CEP55: variants seen among roughly 807,000 people sequenced by gnomAD.
The protein encoded by CEP55 is centrosomal protein 55.
In CEP55, 57 loss-of-function variants were observed where a neutral mutation model predicts 63.2. That is an observed-to-expected ratio of 0.90 (90% CI 0.73 to 1.13). CEP55 has a LOEUF of 1.13. Ranked by LOEUF, CEP55 falls within the 50% of genes most tolerant of loss-of-function variation. The pLI is 0.00. For synonymous variants in CEP55, 178 were observed against 191.6 expected, an observed-to-expected ratio of 0.93 and a Z score of 0.59; for missense variants, 456 against 518.9, an observed-to-expected ratio of 0.88 and a Z score of 1.18.
chr10:93,512,196 C>T (rs374826648), intron 4 of CEP55, among the ~76,000 whole-genome samples: 137 of 128,940 alleles, frequency 1.1e-3, no homozygotes, highest in African/African-American at 3.8e-3. Flanking sequence ...CACTGTATTC[C>T]AGCCGGGGCC....
At chr10:93,510,922 T>G (rs2057740778) in intron 4 of CEP55, among the ~76,000 whole-genome samples, 1 of 150,178 alleles carries the variant, frequency 6.7e-6, no homozygotes, top group Admixed American at 6.7e-5. Flanking sequence ...AAGACCTTTA[T>G]AGCATTCCAC....
intron 4 of CEP55, among the ~76,000 whole-genome samples, chr10:93,507,635 G>A (rs920948417): frequency 8.6e-5 from 13 of 151,926 alleles, no homozygotes; most frequent in Non-Finnish European, 1.6e-4. Flanking sequence ...TCATTTTATT[G>A]TTTCTTGTTT....
At chr10:93,522,163 C>T (rs910602123) in intron 8 of CEP55, among the ~76,000 whole-genome samples, 8 of 152,062 alleles carry the variant, frequency 5.3e-5, no homozygotes, top group Admixed American at 2.6e-4. Flanking sequence ...AGTTCGAACC[C>T]GTGGCAAAGA....
chr10:93,521,822 C>T (rs758775433), intron 8 of CEP55, among the ~76,000 whole-genome samples: 2 of 152,168 alleles, frequency 1.3e-5, no homozygotes, highest in Non-Finnish European at 2.9e-5. Context: ...GCTGCTGATA[C>T]CCAGGCAAAC....
At chr10:93,500,713 G>A (rs768800319) in intron 2 of CEP55, among the ~76,000 whole-genome samples, 7 of 150,726 alleles carry the variant, frequency 4.6e-5, no homozygotes, top group Non-Finnish European at 1.0e-4. Context: ...AACTATTTTC[G>A]CTATTTTTAA....
intron 3 of CEP55, among the ~76,000 whole-genome samples, chr10:93,504,952 C>T (rs1418663211): frequency 6.6e-6 from 1 of 152,100 alleles, no homozygotes; most frequent in African/African-American, 2.4e-5. Context: ...TTTGGGATTA[C>T]AGGCACCTGC....
intron 8 of CEP55, among the ~76,000 whole-genome samples, chr10:93,523,227 C>CA (rs994533178): frequency 2.0e-5 from 3 of 151,980 alleles, no homozygotes; most frequent in African/African-American, 7.3e-5. Context: ...AGGCTCAAAA[C>CA]AAAGGGATTG....
At chr10:93,499,516 G>A (rs1378969233) in intron 1 of CEP55, among the ~76,000 whole-genome samples, 2 of 139,212 alleles carry the variant, frequency 1.4e-5, no homozygotes, top group African/African-American at 5.4e-5. Flanking sequence ...TGTACAAGTT[G>A]ACTTTTTTTT....
chr10:93,517,262 G>T lies in CEP55; in HGVS notation c.993+14G>T. 6.4e-7 allele frequency: 1 copy of T among 1,568,744 alleles called. No homozygotes were observed. Among genetic ancestry groups the T allele is most frequent in the Non-Finnish European group, 8.6e-7 (1 of 1,158,400 alleles). ...CTCTTATCTCAGGTAAACTTAACCA[G>T]ATCCATAATTCAGAGTGTTCACCGA... On this transcript the variant is annotated intron_variant, in intron 6 of 8. Transcript: ENST00000371485.
chr10:93,527,132 C>T (rs558564641), intron 8 of CEP55, among the ~76,000 whole-genome samples: 74 of 151,946 alleles, frequency 4.9e-4, no homozygotes, highest in African/African-American at 1.6e-3. Flanking sequence ...TCCTGCTATC[C>T]ACCCTCTTCA....
chr10:93,523,156 G>C (rs1484706435), intron 8 of CEP55, among the ~76,000 whole-genome samples: 1 of 152,084 alleles, frequency 6.6e-6, no homozygotes, highest in Non-Finnish European at 1.5e-5. Flanking sequence ...TTTGGATAAA[G>C]AGTCAAGACC....
chr10:93,521,988 A>T (rs1299631163), intron 8 of CEP55, among the ~76,000 whole-genome samples: 1 of 152,194 alleles, frequency 6.6e-6, no homozygotes, highest in East Asian at 1.9e-4. Context: ...AACCACAAAG[A>T]TGGGGAAAAA....
chr10:93,520,181 G>T (rs954453036), intron 8 of CEP55: 1 of 220,832 alleles, frequency 4.5e-6, no homozygotes, highest in Non-Finnish European at 9.0e-6. Context: ...TAATCCCAGC[G>T]CTTTGGGAGG....
intron 8 of CEP55, chr10:93,520,099 C>A: frequency 2.5e-6 from 1 of 399,696 alleles, no homozygotes. Flanking sequence ...AGGGTAGTCA[C>A]AGAATCCTGA....
chr10:93,515,934 G>A (rs1192989700), intron 5 of CEP55, among the ~76,000 whole-genome samples: 1 of 152,096 alleles, frequency 6.6e-6, no homozygotes, highest in African/African-American at 2.4e-5. Flanking sequence ...GAGAAAGAAT[G>A]CCTTTTTTAG....
At chr10:93,499,319 T>A (rs540856254) in intron 1 of CEP55, among the ~76,000 whole-genome samples, 10 of 152,318 alleles carry the variant, frequency 6.6e-5, no homozygotes, top group Admixed American at 6.5e-4. Flanking sequence ...TTCGTGCCTA[T>A]ATACTCAGAA....
intron 8 of CEP55, among the ~76,000 whole-genome samples, chr10:93,521,004 C>T (rs2057855360): frequency 6.6e-6 from 1 of 152,096 alleles, no homozygotes; most frequent in African/African-American, 2.4e-5. Flanking sequence ...TGAATAGGAA[C>T]AGCTCCAGTC....
chr10:93,525,698 T>C (rs1489633305), intron 8 of CEP55, among the ~76,000 whole-genome samples: 2 of 151,876 alleles, frequency 1.3e-5, no homozygotes, highest in African/African-American at 2.4e-5. Context: ...ACTACAAGGC[T>C]ACAGTAACCA....
rs542999367 is a variant in CEP55 at position 93,528,912 on chromosome 10, T to C, written c.*759T>C. On this transcript the variant is annotated 3_prime_UTR_variant, in exon 9 of 9. Coordinates refer to ENST00000371485, the MANE Select transcript of CEP55 (RefSeq NM_018131.5). ...CCCTCTCATTTGATTGACAGTATTT[T>C]AGTTATTTTTGGCATTCTTAAAGCT... is the stretch of plus-strand genomic sequence containing the variant. 1.3e-4 allele frequency: 20 copies of C among 152,374 alleles called. No individual in the cohort carries two copies. The highest frequency in any genetic ancestry group is 4.8e-4 in the African/African-American group (20 of 41,606). 9.4% of individuals were successfully genotyped at this position (152,374 alleles called of 1,614,324 possible).
Sources: gnomAD v4.1 joint callset for allele counts (sites outside exome capture counted in the v4.1 genomes callset) on GRCh38, gnomAD v4.1.1 for gene constraint, MANE v1.5 for transcripts, NCBI Gene and HGNC (gene_info 2026-07-23, HGNC 2026-07-21) for gene names.